The following DNAH14 variants were observed in gnomAD, a reference collection of about 807,000 sequenced individuals.
DNAH14 encodes dynein axonemal heavy chain 14.
Under a neutral mutation model 520.9 loss-of-function variants are expected in DNAH14, and 478 were observed. The observed-to-expected ratio is 0.92, with a 90% CI of 0.85 to 0.99. The LOEUF (loss-of-function observed/expected upper bound fraction) is 0.99, where lower values mean the gene tolerates loss of function less well. Among genes scored for constraint, DNAH14 ranks in the 50% least tolerant of loss-of-function variants. DNAH14 has a pLI of 0.00. For missense variants in DNAH14, 4,831 were observed against 5,234.5 expected (o/e 0.92, Z 2.38); for synonymous variants, 1,581 against 1,757.2 (o/e 0.90, Z 2.51).
intron 54 of DNAH14, among the ~76,000 whole-genome samples, chr1:225,278,989 T>G (rs899387689): frequency 8.5e-5 from 13 of 152,094 alleles, no homozygotes; most frequent in African/African-American, 3.1e-4. Context: ...TTTGTTTGTT[T>G]GTTTGTTTGT....
At chr1:225,115,435 A>G (rs555347978) in intron 23 of DNAH14, among the ~76,000 whole-genome samples, 119 of 152,342 alleles carry the variant, frequency 7.8e-4, no homozygotes, top group Admixed American at 2.8e-3. Flanking sequence ...CTAAAATACT[A>G]CATTTTAATT....
At chr1:225,038,667 T>C in intron 11 of DNAH14, 27 bp from the exon 12 acceptor site, 2 of 1,511,030 alleles carry the variant, frequency 1.3e-6, no homozygotes, top group Admixed American at 2.6e-5. Context: ...TTTTAAATGA[T>C]TTTTTTCTTC....
At chr1:225,179,087 A>G (rs918794255) in intron 36 of DNAH14, among the ~76,000 whole-genome samples, 2 of 152,148 alleles carry the variant, frequency 1.3e-5, no homozygotes, top group Non-Finnish European at 2.9e-5. Context: ...CCTTTTGTAA[A>G]TTGCCCAGTC....
chr1:225,332,731 A>G lies in DNAH14; in HGVS notation c.9865-560A>G, dbSNP rs1208121979. Among the ~76,000 whole-genome samples the G allele has an allele frequency of 2.0e-5, 3 of 150,988 alleles. No homozygotes were observed. In the East Asian group the frequency reaches 5.8e-4, roughly 29 times the overall value. ...CTGCTTTGGCTGGGCATGGTGGCTC[A>G]TGTCTGTAATCCCAGCTCTTTGGGA... On this transcript the variant is annotated intron_variant, in intron 65 of 85. Transcript: ENST00000682510.
chr1:225,188,619 G>A (rs2085036073), intron 37 of DNAH14, among the ~76,000 whole-genome samples: 1 of 151,880 alleles, frequency 6.6e-6, no homozygotes, highest in Non-Finnish European at 1.5e-5. Context: ...AAACTGGGAA[G>A]TGCAAGTTCT....
chr1:224,974,140 A>G lies in DNAH14; in HGVS notation c.817A>G (p.Thr273Ala), dbSNP rs2061662926. 6.7e-7 allele frequency: 1 copy of G among 1,493,030 alleles called. No individual in the cohort carries two copies. Among genetic ancestry groups the G allele is most frequent in the Non-Finnish European group, 9.0e-7 (1 of 1,115,766 alleles). The allele number at this position is 1,493,030 out of a possible 1,614,324, so 92.5% of individuals were successfully genotyped here. ...TWKLNVKRIK[T>A]EKSRSFLYHH... ...GAAATTGAATGTTAAAAGAATTAAG[A>G]CAGAGAAGAGCAGGTAAGTTTTGAT... is the stretch of plus-strand genomic sequence containing the variant. Residue 273 changes from threonine (T) to alanine (A), a missense_variant, in exon 8 of 86, where the codon ACA (threonine) becomes GCA (alanine). Physicochemically the swap from Thr to Ala is moderately conservative, Grantham distance 58. Transcript: ENST00000682510.
At chr1:225,116,587 G>T (rs1421327060) in intron 23 of DNAH14, among the ~76,000 whole-genome samples, 1 of 152,118 alleles carries the variant, frequency 6.6e-6, no homozygotes, top group African/African-American at 2.4e-5. Flanking sequence ...ATCCAGGGCA[G>T]AGAGAAGTGA....
At chr1:225,049,364 AT>A (rs1246580888) in intron 15 of DNAH14, among the ~76,000 whole-genome samples, 2 of 150,086 alleles carry the variant, frequency 1.3e-5, no homozygotes, top group South Asian at 2.1e-4. Flanking sequence ...CCCAGCACCT[AT>A]TTTTTTTTAA....
chr1:225,258,562 G>A (rs1349842818), intron 45 of DNAH14, among the ~76,000 whole-genome samples: 1 of 152,110 alleles, frequency 6.6e-6, no homozygotes, highest in Non-Finnish European at 1.5e-5. Context: ...CAACCCATCA[G>A]TTACCTTTTC....
intron 21 of DNAH14, among the ~76,000 whole-genome samples, chr1:225,091,388 GT>G (rs2074380845): frequency 6.6e-6 from 1 of 152,152 alleles, no homozygotes; most frequent in Non-Finnish European, 1.5e-5. Context: ...AGACCTTTCA[GT>G]AGAAACCCTA....
At chr1:225,075,013 T>C (rs928027326) in intron 17 of DNAH14, among the ~76,000 whole-genome samples, 1 of 152,202 alleles carries the variant, frequency 6.6e-6, no homozygotes, top group African/African-American at 2.4e-5. Flanking sequence ...TGCAGTTACT[T>C]TTGCTGGAAA....
chr1:225,300,539 A>C (rs936254686), intron 55 of DNAH14, among the ~76,000 whole-genome samples: 1 of 152,118 alleles, frequency 6.6e-6, no homozygotes, highest in Non-Finnish European at 1.5e-5. Flanking sequence ...TCACTACAAG[A>C]ATATTTTAAA....
At chr1:225,179,023 A>G (rs893933743) in intron 36 of DNAH14, among the ~76,000 whole-genome samples, 8 of 152,266 alleles carry the variant, frequency 5.3e-5, no homozygotes, top group Non-Finnish European at 8.8e-5. Context: ...GCCTTCTGCC[A>G]TGATTGTGAG....
At chr1:225,380,982 G>A (rs1392405534) in intron 80 of DNAH14, among the ~76,000 whole-genome samples, 2 of 152,072 alleles carry the variant, frequency 1.3e-5, no homozygotes, top group African/African-American at 2.4e-5. Flanking sequence ...TACAGCCTGT[G>A]AACTAAAATG....
chr1:225,212,749 G>T (rs1205267124), intron 41 of DNAH14, among the ~76,000 whole-genome samples: 1 of 151,836 alleles, frequency 6.6e-6, no homozygotes, highest in Admixed American at 6.6e-5. Flanking sequence ...TTTTTGACGG[G>T]GCTGTTTGAT....
At chr1:225,050,611 G>A (rs1007106658) in intron 16 of DNAH14, among the ~76,000 whole-genome samples, 1 of 152,028 alleles carries the variant, frequency 6.6e-6, no homozygotes, top group East Asian at 1.9e-4. Context: ...ACCTCATAAC[G>A]TAGGCTCGTC....
intron 8 of DNAH14, among the ~76,000 whole-genome samples, chr1:224,988,699 G>T (rs1406377243): frequency 6.6e-6 from 1 of 152,334 alleles, no homozygotes; most frequent in Admixed American, 6.5e-5. Context: ...AGGCTGGAGT[G>T]CAGTGTTGTG....
chr1:224,949,972 TTC>T lies in DNAH14; in HGVS notation c.-33-2696_-33-2695del, dbSNP rs1314112775. ...ATACTTTTTAATAATATATTTACGC[TTC>T]TGTTATTTTATCAGCCTTAACCAGT... On this transcript the variant is annotated intron_variant, in intron 1 of 85. Coordinates refer to ENST00000682510, the MANE Select transcript of DNAH14 (RefSeq NM_001367479.1). Among the ~76,000 whole-genome samples, 15 of 152,274 alleles carry T rather than the reference TTC, an allele frequency of 9.9e-5. No homozygotes were observed. In the East Asian group the frequency reaches 2.9e-3, roughly 29 times the overall value.
chr1:225,007,643 G>A (rs1352058190), intron 10 of DNAH14, 99 bp downstream of exon 10: 1 of 1,059,362 alleles, frequency 9.4e-7, no homozygotes, highest in Admixed American at 3.0e-5. Flanking sequence ...GAAATGGAAA[G>A]GTAAGGAACA....
Sources: allele counts gnomAD v4.1 joint callset (sites outside exome capture counted in the v4.1 genomes callset), GRCh38; gene constraint gnomAD v4.1.1; transcripts MANE v1.5; gene names NCBI Gene and HGNC (gene_info 2026-07-23, HGNC 2026-07-21).